XIRP2: variants seen among roughly 807,000 people sequenced by gnomAD.
The protein encoded by XIRP2 is xin actin-binding repeat-containing protein 2.
In XIRP2, 236 loss-of-function variants were observed where a neutral mutation model predicts 277.0. That is an observed-to-expected ratio of 0.85 (90% confidence interval 0.77 to 0.95). The LOEUF (loss-of-function observed/expected upper bound fraction) is 0.95, where lower values mean the gene tolerates loss of function less well. Ranked by LOEUF, XIRP2 falls within the 40% of genes least tolerant of loss-of-function variation. XIRP2 has a pLI of 0.00. For synonymous variants in XIRP2, 1,490 were observed against 1,416.5 expected (o/e 1.05, Z -1.17); for missense variants, 4,640 against 4,157.5 (o/e 1.12, Z -3.19).
intron 2 of XIRP2, among the ~76,000 whole-genome samples, chr2:167,007,701 T>TCA (rs1429428352): frequency 4.9e-4 from 57 of 115,274 alleles, no homozygotes; most frequent in East Asian, 1.3e-3. Context: ...TCTCTCTCTC[T>TCA]CTCACACACA....
intron 2 of XIRP2, among the ~76,000 whole-genome samples, chr2:167,135,274 A>T (rs1691511804): frequency 6.6e-6 from 1 of 152,068 alleles, no homozygotes; most frequent in Non-Finnish European, 1.5e-5. Flanking sequence ...TATATTCCTT[A>T]TTGGCCTATA....
chr2:167,127,422 G>C (rs916890285), intron 2 of XIRP2, among the ~76,000 whole-genome samples: 2 of 152,116 alleles, frequency 1.3e-5, no homozygotes, highest in African/African-American at 4.8e-5. Context: ...CCTTTTTCCA[G>C]CTTACAGAAA....
At chr2:167,112,658 A>T (rs1044787131) in intron 2 of XIRP2, among the ~76,000 whole-genome samples, 10 of 150,578 alleles carry the variant, frequency 6.6e-5, no homozygotes, top group African/African-American at 2.0e-4. Context: ...GATTTTTTAT[A>T]TATGTATATT....
At chr2:167,004,695 G>T (rs1434692246) in intron 2 of XIRP2, among the ~76,000 whole-genome samples, 3 of 151,804 alleles carry the variant, frequency 2.0e-5, no homozygotes, top group Non-Finnish European at 2.9e-5. Context: ...TCATGGACAA[G>T]GTGAGATTGT....
chr2:166,924,457 A>G (rs1430437908), intron 2 of XIRP2, among the ~76,000 whole-genome samples: 1 of 151,842 alleles, frequency 6.6e-6, no homozygotes, highest in Non-Finnish European at 1.5e-5. Context: ...CAAGTGTATC[A>G]TTTTTTTCTT....
At chr2:167,196,508 G>T (rs1157211295) in intron 3 of XIRP2, among the ~76,000 whole-genome samples, 5 of 151,240 alleles carry the variant, frequency 3.3e-5, no homozygotes, top group Non-Finnish European at 5.9e-5. Context: ...CCAAATCTAT[G>T]CTCAGGTTTG....
intron 2 of XIRP2, among the ~76,000 whole-genome samples, chr2:167,105,327 T>A (rs1219296348): frequency 6.6e-6 from 1 of 151,974 alleles, no homozygotes; most frequent in Non-Finnish European, 1.5e-5. Context: ...CACCACCACC[T>A]TTTTTACCTT....
intron 3 of XIRP2, 137 bp downstream of exon 3, chr2:167,136,199 T>C (rs1691546543): frequency 3.5e-6 from 3 of 859,188 alleles, no homozygotes; most frequent in Admixed American, 7.8e-5. Context: ...GGAAATACAA[T>C]TTAGGAAAAA....
At chr2:167,185,515 G>T (rs1392123864) in intron 3 of XIRP2, among the ~76,000 whole-genome samples, 2 of 152,026 alleles carry the variant, frequency 1.3e-5, no homozygotes, top group Non-Finnish European at 2.9e-5. Context: ...CAATAAAATG[G>T]AAAGAGTAAG....
intron 2 of XIRP2, among the ~76,000 whole-genome samples, chr2:166,971,156 T>C (rs141597724): frequency 1.1e-4 from 16 of 152,182 alleles, no homozygotes; most frequent in East Asian, 5.8e-4. Flanking sequence ...AATACAATTG[T>C]AATTTTTACT....
At position 167,247,222 on chromosome 2, in the gene XIRP2, G is replaced by T. The variant is rs374129597; in HGVS notation, c.5830G>T (p.Val1944Leu). The change falls in exon 9 of 11, where the codon GTA (valine) becomes TTA (leucine). Residue 1944 changes from valine to leucine, a missense_variant. Coordinates refer to ENST00000409195, the MANE Select transcript of XIRP2 (RefSeq NM_152381.6). The stretch of plus-strand genomic sequence containing the variant: ...TTTCAAAGAGGTACATAAAGAAGGT[G>T]TAATAAAAAAAGATGCTAAAGCTGT... ...RSFKEVHKEGVIKKDAKAVMA... is the reference protein window; with the variant it reads ...RSFKEVHKEGLIKKDAKAVMA... 6.7e-5 allele frequency: 108 copies of T among 1,613,468 alleles called. 3 individuals carry two copies. The highest frequency in any genetic ancestry group is 6.3e-4 in the South Asian group (57 of 91,068).
At chr2:167,175,033 T>C (rs1692799519) in intron 3 of XIRP2, among the ~76,000 whole-genome samples, 1 of 152,146 alleles carries the variant, frequency 6.6e-6, no homozygotes, top group Admixed American at 6.5e-5. Context: ...ATAAGGATGA[T>C]GTGGTGCTGA....
intron 2 of XIRP2, among the ~76,000 whole-genome samples, chr2:167,037,726 G>T (rs1331065449): frequency 1.3e-5 from 2 of 151,738 alleles, no homozygotes; most frequent in Non-Finnish European, 2.9e-5. Context: ...ATAAAACAGG[G>T]ACACAGGAAA....
At chr2:166,930,556 A>G (rs1685308184) in intron 2 of XIRP2, among the ~76,000 whole-genome samples, 1 of 152,180 alleles carries the variant, frequency 6.6e-6, no homozygotes, top group Non-Finnish European at 1.5e-5. Flanking sequence ...TTTGAGATGT[A>G]GAAACTTGAT....
chr2:166,986,704 G>A (rs1687015652), intron 2 of XIRP2, among the ~76,000 whole-genome samples: 1 of 152,196 alleles, frequency 6.6e-6, no homozygotes, highest in Admixed American at 6.5e-5. Flanking sequence ...CATGAGAAAT[G>A]ATCCTGTTAA....
chr2:166,957,985 T>C (rs1686205839), intron 2 of XIRP2, among the ~76,000 whole-genome samples: 1 of 151,872 alleles, frequency 6.6e-6, no homozygotes, highest in African/African-American at 2.4e-5. Context: ...GTGTTGATGA[T>C]AGTTGAGTAT....
At chr2:167,037,094 A>G (rs1260714160) in intron 2 of XIRP2, among the ~76,000 whole-genome samples, 1 of 152,170 alleles carries the variant, frequency 6.6e-6, no homozygotes, top group African/African-American at 2.4e-5. Flanking sequence ...CAAGACCCCA[A>G]TTCAATAATA....
At position 167,029,748 on chromosome 2, in the gene XIRP2, T is replaced by C. The variant is rs1688280851; in HGVS notation, c.409-106161T>C. 2.0e-5 allele frequency among the ~76,000 whole-genome samples: 3 copies of C among 152,118 alleles called. No individual in the cohort carries two copies. The South Asian group carries it at 6.2e-4, about 31-fold the overall frequency. On this transcript the variant is annotated intron_variant, in intron 2 of 10. Coordinates refer to ENST00000409195, the MANE Select transcript of XIRP2 (RefSeq NM_152381.6). ...AATGAGTTAGGGAGGAGTCCCTCTT[T>C]TTCTATTGTTTGGAATAGTTTCAGA...
chr2:167,256,704 A>G (rs1235725429), intron 10 of XIRP2, among the ~76,000 whole-genome samples: 1 of 151,846 alleles, frequency 6.6e-6, no homozygotes, highest in East Asian at 1.9e-4. Flanking sequence ...TTTATGTAAA[A>G]TTAGTTTTCC....
Sources: gnomAD v4.1 joint callset for allele counts (sites outside exome capture counted in the v4.1 genomes callset) on GRCh38, gnomAD v4.1.1 for gene constraint, MANE v1.5 for transcripts, NCBI Gene and HGNC (gene_info 2026-07-23, HGNC 2026-07-21) for gene names.